The following BBS9 variants were observed in gnomAD, a reference collection of about 807,000 sequenced individuals.
BBS9 encodes Bardet-Biedl syndrome 9.
BBS9 carries 89 observed loss-of-function variants against 117.7 expected under a neutral mutation model. The ratio of observed to expected loss-of-function variants is 0.76; its 90% CI spans 0.64 to 0.90. BBS9 has a LOEUF of 0.90. Ranked by LOEUF, BBS9 falls within the 40% of genes least tolerant of loss-of-function variation. The pLI is 0.00. For synonymous variants in BBS9, 379 were observed against 370.9 expected (o/e 1.02, Z -0.25); for missense variants, 982 against 1,042.2 (o/e 0.94, Z 0.80).
At chr7:33,447,569 A>T (rs1326996038) in intron 19 of BBS9, among the ~76,000 whole-genome samples, 1 of 152,236 alleles carries the variant, frequency 6.6e-6, no homozygotes. Context: ...GTTTCCAAAA[A>T]GACTTTTTAA....
At chr7:33,612,605 A>G (rs1443815682) in intron 21 of BBS9, among the ~76,000 whole-genome samples, 1 of 151,708 alleles carries the variant, frequency 6.6e-6, no homozygotes, top group Non-Finnish European at 1.5e-5. Flanking sequence ...CATGTATATC[A>G]TTGGTCCCTA....
In BBS9 at chr7:33,365,215, G is replaced by A. The variant is rs10266641; in HGVS notation, c.1694-2552G>A. Among the ~76,000 whole-genome samples the A allele has an allele frequency of 8.5e-3, 1,290 of 152,170 alleles. 23 individuals are homozygous for A. Among genetic ancestry groups the A allele is most frequent in the South Asian group, 0.046 (220 of 4,814 alleles). On this transcript the variant is annotated intron_variant, in intron 16 of 22. Transcript: ENST00000242067. The stretch of plus-strand genomic sequence containing the variant: ...GGGAAATCATTGTGTTCTTTTGGTA[G>A]GGATATGTCTTCTTTGTTTTTCGTG...
intron 19 of BBS9, among the ~76,000 whole-genome samples, chr7:33,463,352 T>C (rs566257582): frequency 6.6e-6 from 1 of 152,252 alleles, no homozygotes; most frequent in Admixed American, 6.5e-5. Context: ...CATTAACTTT[T>C]TGATAGGGGG....
intron 21 of BBS9, 43 bp downstream of exon 21, chr7:33,534,219 C>T: frequency 3.2e-6 from 5 of 1,575,334 alleles, no homozygotes; most frequent in Non-Finnish European, 4.3e-6. Flanking sequence ...TTGTACTTCT[C>T]CTAAATTAGA....
At chr7:33,382,060 G>T (rs1343065439) in intron 17 of BBS9, among the ~76,000 whole-genome samples, 1 of 152,132 alleles carries the variant, frequency 6.6e-6, no homozygotes, top group Non-Finnish European at 1.5e-5. Context: ...AGAAGACTGA[G>T]TTCATCTTTG....
At position 33,403,331 on chromosome 7, in the gene BBS9, A is replaced by ATTT. The variant is rs566278317; in HGVS notation, c.2115+15188_2115+15189insTTT. ...TATTTTTTTTTATTTTATTATTATT[A>ATTT]TACTTTAAGTTTTAGGGTACATGTG... On this transcript the variant is annotated intron_variant, in intron 19 of 22. Coordinates refer to ENST00000242067, the MANE Select transcript of BBS9 (RefSeq NM_198428.3). Among the ~76,000 whole-genome samples, 392 of 135,760 alleles carry ATTT rather than the reference A, an allele frequency of 2.9e-3. 10 individuals are homozygous for ATTT. The South Asian group carries it at 0.049, about 17-fold the overall frequency. 89.1% of individuals were successfully genotyped at this position (135,760 alleles called of 152,430 possible).
chr7:33,229,570 ATTCT>A (rs147479772), intron 5 of BBS9, among the ~76,000 whole-genome samples: 9,256 of 152,188 alleles, frequency 0.061, 321 homozygotes, highest in African/African-American at 0.079. Flanking sequence ...GCAAGATCCC[ATTCT>A]TTCTTAGATA....
intron 9 of BBS9, among the ~76,000 whole-genome samples, chr7:33,310,396 A>G (rs1432287458): frequency 6.6e-6 from 1 of 152,090 alleles, no homozygotes; most frequent in East Asian, 1.9e-4. Flanking sequence ...AATTTCTTCT[A>G]TGTTGGAAGT....
intron 17 of BBS9, 78 bp from the exon 18 acceptor site, chr7:33,383,588 A>C: frequency 7.9e-7 from 1 of 1,270,624 alleles, no homozygotes; most frequent in South Asian, 1.3e-5. Flanking sequence ...TTTTAAAGTC[A>C]GGATTAGTGA....
chr7:33,618,388 A>G (rs997013926), intron 21 of BBS9, among the ~76,000 whole-genome samples: 3 of 152,122 alleles, frequency 2.0e-5, no homozygotes, highest in Admixed American at 6.6e-5. Flanking sequence ...ATGAAAACCT[A>G]TGAAAGTATA....
intron 21 of BBS9, among the ~76,000 whole-genome samples, chr7:33,562,499 T>C (rs1200618138): frequency 6.6e-6 from 1 of 152,190 alleles, no homozygotes; most frequent in African/African-American, 2.4e-5. Context: ...ATTTAATTAA[T>C]TGGCTTCCGC....
At chr7:33,379,839 A>T (rs1400927272) in intron 17 of BBS9, 1 of 152,248 alleles carries the variant, frequency 6.6e-6, no homozygotes, top group Non-Finnish European at 1.5e-5. Context: ...AAAGGAAATG[A>T]GCATATTAAA....
At chr7:33,367,989 T>C in intron 17 of BBS9, 127 bp downstream of exon 17, 1 of 772,478 alleles carries the variant, frequency 1.3e-6, no homozygotes, top group South Asian at 1.5e-5. Flanking sequence ...CTAAAAGCCA[T>C]GATATTAAGT....
intron 20 of BBS9, among the ~76,000 whole-genome samples, chr7:33,530,253 T>C (rs920825966): frequency 6.6e-5 from 10 of 152,252 alleles, no homozygotes; most frequent in African/African-American, 1.4e-4. Flanking sequence ...ACTGGCATCA[T>C]GCCTCATCTA....
intron 19 of BBS9, among the ~76,000 whole-genome samples, chr7:33,405,781 T>C (rs374027379): frequency 1.3e-5 from 2 of 152,024 alleles, no homozygotes; most frequent in African/African-American, 2.4e-5. Flanking sequence ...TTTGTTGATC[T>C]TTTCAAAAAA....
chr7:33,366,572 T>A (rs1690253282), intron 16 of BBS9, among the ~76,000 whole-genome samples: 1 of 123,918 alleles, frequency 8.1e-6, no homozygotes, highest in Admixed American at 9.7e-5. Flanking sequence ...TGAGATGGAG[T>A]CTCACTCTGT....
At chr7:33,541,061 C>T (rs1446531420) in intron 21 of BBS9, among the ~76,000 whole-genome samples, 3 of 152,140 alleles carry the variant, frequency 2.0e-5, no homozygotes, top group Admixed American at 1.3e-4. Flanking sequence ...TGTCTCCTGA[C>T]TATTGGTTTT....
chr7:33,586,379 T>TA (rs35147816), intron 21 of BBS9, among the ~76,000 whole-genome samples: 37,960 of 149,618 alleles, frequency 0.25, 6,835 homozygotes, highest in African/African-American at 0.5. Context: ...TGTTAAGAAG[T>TA]AAAAAAAAAT....
At chr7:33,495,469 A>G (rs922889656) in intron 19 of BBS9, among the ~76,000 whole-genome samples, 2 of 152,196 alleles carry the variant, frequency 1.3e-5, no homozygotes, top group African/African-American at 4.8e-5. Flanking sequence ...CAGACCTTGT[A>G]GATGTTGTTT....
Sources: allele counts gnomAD v4.1 joint callset (sites outside exome capture counted in the v4.1 genomes callset), GRCh38; gene constraint gnomAD v4.1.1; transcripts MANE v1.5; gene names NCBI Gene and HGNC (gene_info 2026-07-23, HGNC 2026-07-21).